The following HEBP1 variants were observed in gnomAD, a reference collection of about 807,000 sequenced individuals.
HEBP1 encodes heme-binding protein 1.
In HEBP1, 13 loss-of-function variants were observed where a neutral mutation model predicts 20.4. That is an observed-to-expected ratio of 0.64 (90% CI 0.42 to 1.01). HEBP1 has a LOEUF of 1.01. Among genes scored for constraint, HEBP1 ranks in the 50% least tolerant of loss-of-function variants. The pLI, the probability that HEBP1 is intolerant of heterozygous loss-of-function variation, is 0.00. For missense variants in HEBP1, 241 were observed against 247.3 expected (o/e 0.97, Z 0.17); for synonymous variants, 92 against 90.7 (o/e 1.01, Z -0.08).
At chr12:12,990,120 A>G (rs942070071) in intron 1 of HEBP1, among the ~76,000 whole-genome samples, 8 of 12,214 alleles carry the variant, frequency 6.5e-4, no homozygotes, top group South Asian at 0.031. Context: ...CTCTGTGCAC[A>G]CACACACACA....
chr12:12,990,866 A>G (rs1277091255), intron 1 of HEBP1, among the ~76,000 whole-genome samples: 1 of 152,214 alleles, frequency 6.6e-6, no homozygotes, highest in African/African-American at 2.4e-5. Flanking sequence ...TCGATGGATC[A>G]GCTGACACCA....
At chr12:12,976,264 TC>T (rs1213290136) in intron 3 of HEBP1, among the ~76,000 whole-genome samples, 1 of 152,196 alleles carries the variant, frequency 6.6e-6, no homozygotes, top group Non-Finnish European at 1.5e-5. Flanking sequence ...GCCTTCTTTT[TC>T]TAGTAAGGAA....
rs1796141849 is a variant in HEBP1, at chr12:12,997,230, A to G, written c.78+2807T>C. ...CTTATTAGGGAGTTCTCCTTATCCC[A>G]GAGGCCCCAAATTAACGGCAAGTGA... On this transcript the variant is annotated intron_variant, in intron 1 of 3. Transcript: ENST00000014930. Among the ~76,000 whole-genome samples the G allele has an allele frequency of 2.0e-5, 3 of 152,190 alleles. No individual in the cohort carries two copies. The South Asian group carries it at 6.2e-4, about 31-fold the overall frequency.
intron 1 of HEBP1, among the ~76,000 whole-genome samples, chr12:12,991,696 T>G (rs1340745039): frequency 6.6e-6 from 1 of 152,244 alleles, no homozygotes; most frequent in Non-Finnish European, 1.5e-5. Flanking sequence ...GCCTGTCTTA[T>G]CATGAATATA....
At chr12:12,978,378 T>G (rs995610408) in intron 3 of HEBP1, among the ~76,000 whole-genome samples, 1 of 151,804 alleles carries the variant, frequency 6.6e-6, no homozygotes, top group Non-Finnish European at 1.5e-5. Context: ...AATTTTTGTA[T>G]TTTTAGTACA....
intron 1 of HEBP1, among the ~76,000 whole-genome samples, chr12:12,990,196 T>C (rs1157352818): frequency 6.6e-6 from 1 of 151,862 alleles, no homozygotes; most frequent in Non-Finnish European, 1.5e-5. Flanking sequence ...TTTGAGACAG[T>C]GTTTCACTCT....
At chr12:12,995,554 T>C (rs1864278711) in intron 1 of HEBP1, among the ~76,000 whole-genome samples, 1 of 152,214 alleles carries the variant, frequency 6.6e-6, no homozygotes, top group South Asian at 2.1e-4. Context: ...AAACCAGTTC[T>C]AGTGCAGGGA....
intron 3 of HEBP1, among the ~76,000 whole-genome samples, chr12:12,980,942 G>A (rs1260206856): frequency 1.3e-5 from 2 of 152,264 alleles, no homozygotes; most frequent in Non-Finnish European, 2.9e-5. Context: ...CAGCCTCTGG[G>A]GAGGCTCAGT....
At chr12:12,981,713 C>T (rs1235872523) in intron 3 of HEBP1, among the ~76,000 whole-genome samples, 6 of 152,138 alleles carry the variant, frequency 3.9e-5, no homozygotes, top group Non-Finnish European at 7.3e-5. Context: ...TAAAATAGTT[C>T]CTGGTACAGA....
chr12:12,988,410 C>T (rs1864178832), intron 2 of HEBP1, among the ~76,000 whole-genome samples: 1 of 152,186 alleles, frequency 6.6e-6, no homozygotes, highest in East Asian at 1.9e-4. Context: ...TACTTTAGTC[C>T]TAGTAAATTT....
At chr12:12,993,562 CTT>C (rs1864255163) in intron 1 of HEBP1, among the ~76,000 whole-genome samples, 1 of 148,736 alleles carries the variant, frequency 6.7e-6, no homozygotes, top group African/African-American at 2.5e-5. Flanking sequence ...TAACCTCTCT[CTT>C]TAGCCACTGT....
At chr12:12,987,616 C>CTT (rs760435625) in intron 2 of HEBP1, among the ~76,000 whole-genome samples, 24 of 148,716 alleles carry the variant, frequency 1.6e-4, no homozygotes, top group East Asian at 5.9e-4. Flanking sequence ...CTCTCTTTCT[C>CTT]TCTCTCTCTC....
chr12:12,980,323 T>C (rs1316315266), intron 3 of HEBP1: 1 of 152,074 alleles, frequency 6.6e-6, no homozygotes, highest in Non-Finnish European at 1.5e-5. Flanking sequence ...GAGCTCTAAG[T>C]GTGGTCAGGA....
intron 1 of HEBP1, among the ~76,000 whole-genome samples, chr12:12,997,903 A>G (rs552000715): frequency 1.3e-5 from 2 of 152,342 alleles, no homozygotes; most frequent in East Asian, 1.9e-4. Flanking sequence ...GAGTAGGGCA[A>G]CTACTTGATG....
intron 1 of HEBP1, among the ~76,000 whole-genome samples, chr12:12,990,630 T>A (rs1490732605): frequency 6.6e-6 from 1 of 152,198 alleles, no homozygotes; most frequent in Non-Finnish European, 1.5e-5. Context: ...GGCTTGACTC[T>A]GAAAGAAAAT....
At chr12:12,993,825 T>G (rs850944) in intron 1 of HEBP1, among the ~76,000 whole-genome samples, 105,356 of 152,044 alleles carry the variant, frequency 0.69, 39,806 homozygotes, top group East Asian at 0.97. Context: ...GAAAACAGAA[T>G]GTTATCATCT....
chr12:12,987,086 G>T, intron 3 of HEBP1, 66 bp downstream of exon 3: 1 of 1,314,026 alleles, frequency 7.6e-7, no homozygotes. Context: ...GCTTGCCAGA[G>T]GTGATGCAAG....
At chr12:12,995,859 G>A (rs1864282647) in intron 1 of HEBP1, among the ~76,000 whole-genome samples, 1 of 152,182 alleles carries the variant, frequency 6.6e-6, no homozygotes, top group Non-Finnish European at 1.5e-5. Context: ...GTTCCTAGAT[G>A]GAGATTTTGG....
chr12:12,987,101 G>A (rs898177041), intron 3 of HEBP1, 51 bp downstream of exon 3: 3 of 1,463,074 alleles, frequency 2.1e-6, no homozygotes, highest in Admixed American at 1.8e-5. Context: ...TGCAAGGAGT[G>A]GTACGGGAAT....
Sources: gnomAD v4.1 joint callset for allele counts (sites outside exome capture counted in the v4.1 genomes callset) on GRCh38, gnomAD v4.1.1 for gene constraint, MANE v1.5 for transcripts, NCBI Gene and HGNC (gene_info 2026-07-23, HGNC 2026-07-21) for gene names.